Variants in SPEF2 observed in about 807,000 individuals in gnomAD.
The protein encoded by SPEF2 is sperm flagella and cilia-associated protein 2.
A neutral mutation model predicts 224.6 loss-of-function variants in SPEF2; 187 were observed. That is an observed-to-expected ratio of 0.83 (90% CI 0.74 to 0.94). SPEF2 has a LOEUF of 0.94. SPEF2 is among the 40% of genes least tolerant of loss of function. The probability of loss-of-function intolerance (pLI) is 0.00; values close to 1 mark genes in which losing one functional copy is unlikely to be tolerated. For synonymous variants in SPEF2, 715 were observed against 707.3 expected, an observed-to-expected ratio of 1.01 and a Z score of -0.17; for missense variants, 2,170 against 2,135.6, an observed-to-expected ratio of 1.02 and a Z score of -0.32.
In SPEF2 at chr5:35,691,216, A is replaced by G. The variant is rs117547956; in HGVS notation, c.1704A>G (p.Thr568=). 5.0e-4 allele frequency: 807 copies of G among 1,614,044 alleles called. 11 individuals are homozygous for G. In the East Asian group the frequency reaches 0.016, roughly 32 times the overall value. ...FAVKGCLLGK[T]LSGKTTILRS... ...TTAAAGGATGCTTATTGGGGAAAAC[A>G]TTAAGTGGAAAAACTACCATTTTAA... Residue 568 remains threonine, a synonymous_variant, in exon 11 of 37, where the codon ACA becomes ACG. Coordinates refer to ENST00000356031, the MANE Select transcript of SPEF2 (RefSeq NM_024867.4).
intron 33 of SPEF2, among the ~76,000 whole-genome samples, chr5:35,796,272 G>A (rs1285422357): frequency 1.3e-5 from 2 of 151,964 alleles, no homozygotes; most frequent in African/African-American, 4.8e-5. Context: ...AGCATCTTAT[G>A]AGCCTCTATT....
At chr5:35,720,411 T>C (rs1162005552) in intron 20 of SPEF2, among the ~76,000 whole-genome samples, 1 of 152,212 alleles carries the variant, frequency 6.6e-6, no homozygotes, top group Non-Finnish European at 1.5e-5. Flanking sequence ...CAGCTATTCA[T>C]GAGTCCTGTA....
intron 17 of SPEF2, among the ~76,000 whole-genome samples, chr5:35,705,231 A>G (rs7442968): frequency 0.54 from 81,498 of 151,850 alleles, 22,302 homozygotes; most frequent in African/African-American, 0.56. Context: ...TCTGAGTAAA[A>G]TATATAAGTC....
At chr5:35,695,637 G>A (rs1236239101) in intron 13 of SPEF2, 98 bp from the exon 14 acceptor site, 1 of 872,508 alleles carries the variant, frequency 1.1e-6, no homozygotes, top group Non-Finnish European at 1.8e-6. Flanking sequence ...AGCTGGATCT[G>A]ATAACCCTTA....
chr5:35,728,484 C>G (rs1745060990), intron 21 of SPEF2, among the ~76,000 whole-genome samples: 3 of 152,184 alleles, frequency 2.0e-5, no homozygotes, highest in Admixed American at 2.0e-4. Context: ...GACAAGGTCT[C>G]CTTCTCCCTC....
At chr5:35,703,472 T>A (rs1739103488) in intron 16 of SPEF2, among the ~76,000 whole-genome samples, 1 of 151,906 alleles carries the variant, frequency 6.6e-6, no homozygotes, top group Non-Finnish European at 1.5e-5. Flanking sequence ...TGCTGGAAAG[T>A]TTGTGGTAGG....
intron 20 of SPEF2, 144 bp from the exon 21 acceptor site, chr5:35,727,531 G>C (rs1744869374): frequency 4.9e-6 from 3 of 610,854 alleles, no homozygotes; most frequent in Non-Finnish European, 8.2e-6. Context: ...GGAGAATAAG[G>C]ATTTTTTGTA....
chr5:35,635,304 A>G (rs1237892847), intron 2 of SPEF2, among the ~76,000 whole-genome samples: 1 of 152,084 alleles, frequency 6.6e-6, no homozygotes, highest in African/African-American at 2.4e-5. Flanking sequence ...CTATTTCTGT[A>G]TTGATACTCT....
At chr5:35,801,870 C>T (rs1052537238) in intron 34 of SPEF2, among the ~76,000 whole-genome samples, 1 of 152,174 alleles carries the variant, frequency 6.6e-6, no homozygotes, top group Non-Finnish European at 1.5e-5. Flanking sequence ...CTGTTTTGTT[C>T]TGCATCCCTG....
rs185093468 is a variant in SPEF2, at chr5:35,686,289, G to T, written c.1525-4748G>T. On this transcript the variant is annotated intron_variant, in intron 10 of 36. Coordinates refer to ENST00000356031, the MANE Select transcript of SPEF2 (RefSeq NM_024867.4). The stretch of plus-strand genomic sequence containing the variant: ...TGAAGTTTGAATAGTTTAATAAATA[G>T]GTTATATGTACTAATTCCAAATAAT... Among the ~76,000 whole-genome samples the T allele has an allele frequency of 3.8e-3, 570 of 149,164 alleles. 5 individuals are homozygous for T. Among genetic ancestry groups the T allele is most frequent in the Non-Finnish European group, 4.2e-3 (282 of 67,882 alleles).
At chr5:35,650,799 C>T (rs1252578729) in intron 6 of SPEF2, among the ~76,000 whole-genome samples, 1 of 152,214 alleles carries the variant, frequency 6.6e-6, no homozygotes, top group Non-Finnish European at 1.5e-5. Flanking sequence ...CCTTTGCCAA[C>T]CCAACCAGAC....
chr5:35,626,844 G>A (rs1301067935), intron 1 of SPEF2, among the ~76,000 whole-genome samples: 6 of 152,130 alleles, frequency 3.9e-5, no homozygotes, highest in Non-Finnish European at 7.4e-5. Context: ...ATGATAGGGT[G>A]TAATCTTTGG....
chr5:35,639,466 G>A (rs1746293032), intron 2 of SPEF2, among the ~76,000 whole-genome samples: 2 of 152,190 alleles, frequency 1.3e-5, no homozygotes, highest in Non-Finnish European at 2.9e-5. Flanking sequence ...TGGTGCCAGG[G>A]CTCATGATTT....
At chr5:35,636,480 T>G (rs181489283) in intron 2 of SPEF2, among the ~76,000 whole-genome samples, 29 of 152,292 alleles carry the variant, frequency 1.9e-4, no homozygotes, top group African/African-American at 6.7e-4. Context: ...TCCTAGGTCT[T>G]CCTTTTAAGT....
intron 25 of SPEF2, among the ~76,000 whole-genome samples, 188 bp from the exon 26 acceptor site, chr5:35,763,334 A>G (rs1183661843): frequency 6.6e-6 from 1 of 152,194 alleles, no homozygotes; most frequent in East Asian, 1.9e-4. Flanking sequence ...TATTAACAAG[A>G]TGTTCTAGAC....
intron 23 of SPEF2, among the ~76,000 whole-genome samples, chr5:35,748,217 C>T (rs1325473125): frequency 1.3e-5 from 2 of 152,016 alleles, no homozygotes; most frequent in Admixed American, 6.6e-5. Context: ...TAAATGCCTA[C>T]ATCAAAAAGA....
chr5:35,769,653 C>T (rs1005298739), intron 26 of SPEF2, among the ~76,000 whole-genome samples: 2 of 152,080 alleles, frequency 1.3e-5, no homozygotes, highest in East Asian at 1.9e-4. Flanking sequence ...CTGGGAAGCA[C>T]GAGGCCCCTT....
chr5:35,739,928 T>C lies in SPEF2; in HGVS notation c.3073T>C (p.Leu1025=). ...VNEPVPEEMP[L]FLVPYWELIE... ...CTTTACCATTTAACAGGAAATGCCT[T>C]TGTTTTTAGTACCTTACTGGGAACT... is the stretch of plus-strand genomic sequence containing the variant. Residue 1025 remains leucine (L), a synonymous_variant, in exon 22 of 37, where the codon TTG becomes CTG. Transcript: ENST00000356031. 1 of 1,613,354 alleles carries C rather than the reference T, an allele frequency of 6.2e-7. No homozygotes were observed. Among genetic ancestry groups the C allele is most frequent in the Non-Finnish European group, 8.5e-7 (1 of 1,179,860 alleles).
intron 34 of SPEF2, among the ~76,000 whole-genome samples, chr5:35,804,391 T>C (rs993086059): frequency 6.6e-6 from 1 of 152,222 alleles, no homozygotes; most frequent in Admixed American, 6.5e-5. Flanking sequence ...AATTGCTCAT[T>C]CAAAAGTACT....
Sources: gnomAD v4.1 joint callset for allele counts (sites outside exome capture counted in the v4.1 genomes callset) on GRCh38, gnomAD v4.1.1 for gene constraint, MANE v1.5 for transcripts, NCBI Gene and HGNC (gene_info 2026-07-23, HGNC 2026-07-21) for gene names.